The following SWT1 variants were observed in gnomAD, a reference collection of about 807,000 sequenced individuals.
SWT1 encodes the protein transcriptional protein SWT1.
A neutral mutation model predicts 107.3 loss-of-function variants in SWT1; 33 were observed. That is an observed-to-expected ratio of 0.31 (90% CI 0.23 to 0.41). SWT1 has a LOEUF of 0.41. Ranked by LOEUF, SWT1 falls within the 10% of genes least tolerant of loss-of-function variation. SWT1 has a pLI of 1.00. For missense variants in SWT1, 898 were observed against 1,028.9 expected (o/e 0.87, Z 1.74); for synonymous variants, 345 against 348.3 (o/e 0.99, Z 0.11).
intron 4 of SWT1, chr1:185,171,747 T>G (rs1655088034): frequency 2.3e-6 from 1 of 432,764 alleles, no homozygotes; most frequent in Non-Finnish European, 4.5e-6. Context: ...TTTTTTTTTC[T>G]GTTGCCTAGG....
At chr1:185,239,572 A>C (rs1284242327) in intron 16 of SWT1, among the ~76,000 whole-genome samples, 3 of 152,070 alleles carry the variant, frequency 2.0e-5, no homozygotes, top group Non-Finnish European at 2.9e-5. Context: ...AACTTCAATT[A>C]GCTTATTTGC....
chr1:185,233,063 A>G (rs189724651), intron 16 of SWT1, among the ~76,000 whole-genome samples: 34 of 152,168 alleles, frequency 2.2e-4, no homozygotes, highest in African/African-American at 8.2e-4. Flanking sequence ...AAAAGTGCAG[A>G]TTTTCAGGCC....
intron 16 of SWT1, among the ~76,000 whole-genome samples, chr1:185,252,095 T>A (rs1290535290): frequency 1.3e-5 from 2 of 152,248 alleles, no homozygotes; most frequent in African/African-American, 2.4e-5. Context: ...ATTTCCAATT[T>A]CATCCGGACA....
chr1:185,190,678 A>C (rs774728722), intron 10 of SWT1, 36 bp downstream of exon 10: 1 of 1,236,110 alleles, frequency 8.1e-7, no homozygotes, highest in African/African-American at 1.5e-5. Context: ...TTATTTTTAA[A>C]AAATAAACCA....
chr1:185,172,681 A>G (rs1332168370), intron 4 of SWT1, among the ~76,000 whole-genome samples: 1 of 152,150 alleles, frequency 6.6e-6, no homozygotes, highest in African/African-American at 2.4e-5. Flanking sequence ...TACCAGCAAC[A>G]TGTGAGAGTG....
rs1018324193 is a variant in SWT1, at chr1:185,273,224, A to G, written c.2508+1835A>G. ...GTTTGAGAACAGGCTGGCCAACATG[A>G]TGAAACCCCATCTCTACTAAAAGTA... On this transcript the variant is annotated intron_variant, in intron 17 of 18. Transcript: ENST00000367500. 8.6e-5 allele frequency among the ~76,000 whole-genome samples: 13 copies of G among 151,948 alleles called. No homozygotes were observed. The East Asian group carries it at 2.3e-3, about 27-fold the overall frequency.
chr1:185,237,589 C>G (rs918999751), intron 16 of SWT1, among the ~76,000 whole-genome samples: 1 of 152,006 alleles, frequency 6.6e-6, no homozygotes, highest in South Asian at 2.1e-4. Flanking sequence ...AGGAGAAATA[C>G]CTAATGTAGA....
chr1:185,197,420 T>A (rs563152816), intron 10 of SWT1, among the ~76,000 whole-genome samples: 1 of 152,176 alleles, frequency 6.6e-6, no homozygotes, highest in South Asian at 2.1e-4. Context: ...TTGTCTGAAA[T>A]TTTCTTTTTT....
intron 13 of SWT1, among the ~76,000 whole-genome samples, chr1:185,212,751 C>T (rs950202853): frequency 1.3e-5 from 2 of 148,654 alleles, no homozygotes; most frequent in African/African-American, 5.0e-5. Context: ...TGCAGTGAGC[C>T]GAGATTGCGC....
At chr1:185,252,462 A>G (rs543587102) in intron 16 of SWT1, among the ~76,000 whole-genome samples, 4 of 152,262 alleles carry the variant, frequency 2.6e-5, no homozygotes, top group African/African-American at 9.6e-5. Flanking sequence ...TGACCTTTTA[A>G]TGATTGCCAT....
intron 16 of SWT1, among the ~76,000 whole-genome samples, chr1:185,235,473 C>T (rs1660800279): frequency 6.6e-6 from 1 of 152,178 alleles, no homozygotes; most frequent in Non-Finnish European, 1.5e-5. Flanking sequence ...ACATGATTAT[C>T]TCAATAGATG....
chr1:185,269,243 C>G (rs1289461373), intron 16 of SWT1, among the ~76,000 whole-genome samples: 1 of 152,096 alleles, frequency 6.6e-6, no homozygotes, highest in Admixed American at 6.5e-5. Flanking sequence ...ATCTAGATAG[C>G]TTTGTCTTCA....
chr1:185,283,537 A>G (rs968958436), intron 18 of SWT1, among the ~76,000 whole-genome samples: 1 of 151,110 alleles, frequency 6.6e-6, no homozygotes, highest in Non-Finnish European at 1.5e-5. Context: ...TTTGTTAGGC[A>G]AGTATGTAAG....
intron 10 of SWT1, among the ~76,000 whole-genome samples, chr1:185,194,949 G>T (rs1196382273): frequency 6.6e-6 from 1 of 151,620 alleles, no homozygotes; most frequent in Non-Finnish European, 1.5e-5. Flanking sequence ...CAGATTTTGG[G>T]GCTCACTTGC....
chr1:185,194,886 G>A (rs187295254), intron 10 of SWT1, among the ~76,000 whole-genome samples: 1 of 152,142 alleles, frequency 6.6e-6, no homozygotes, highest in East Asian at 1.9e-4. Flanking sequence ...TACTTCTGTT[G>A]ATTACTTTGA....
intron 2 of SWT1, among the ~76,000 whole-genome samples, chr1:185,163,665 A>G: frequency 6.6e-6 from 1 of 152,188 alleles, no homozygotes; most frequent in African/African-American, 2.4e-5. Context: ...AAGTGCTGGG[A>G]TTACAGGCGT....
intron 5 of SWT1, chr1:185,176,900 C>T (rs943324403): frequency 2.6e-5 from 12 of 464,670 alleles, no homozygotes; most frequent in African/African-American, 6.4e-5. Context: ...AGGAGAATGG[C>T]GTGAACCTGG....
intron 4 of SWT1, among the ~76,000 whole-genome samples, chr1:185,173,475 G>C (rs1028430798): frequency 6.8e-6 from 1 of 147,854 alleles, no homozygotes; most frequent in Non-Finnish European, 1.5e-5. Flanking sequence ...TGGGCAGATT[G>C]CTTGAGCCCA....
intron 16 of SWT1, among the ~76,000 whole-genome samples, chr1:185,261,981 T>G (rs1663050280): frequency 1.3e-5 from 2 of 152,186 alleles, no homozygotes; most frequent in South Asian, 4.1e-4. Flanking sequence ...TATTGAGATC[T>G]TAATGGCAGT....
Sources: allele counts gnomAD v4.1 joint callset (sites outside exome capture counted in the v4.1 genomes callset), GRCh38; gene constraint gnomAD v4.1.1; transcripts MANE v1.5; gene names NCBI Gene and HGNC (gene_info 2026-07-23, HGNC 2026-07-21).